The following OPCML variants were observed in gnomAD, a reference collection of about 807,000 sequenced individuals.
The protein encoded by OPCML is opioid binding protein/cell adhesion molecule like.
Under a neutral mutation model 37.8 loss-of-function variants are expected in OPCML, and 13 were observed. The observed-to-expected ratio is 0.34, with a 90% CI of 0.22 to 0.55. OPCML has a LOEUF of 0.55. Among genes scored for constraint, OPCML ranks in the 20% least tolerant of loss-of-function variants. OPCML has a pLI of 0.91. For synonymous variants in OPCML, 176 were observed against 168.8 expected, an observed-to-expected ratio of 1.04 and a Z score of -0.33; for missense variants, 341 against 435.6, an observed-to-expected ratio of 0.78 and a Z score of 1.93.
At chr11:133,310,607 C>T (rs990165978) in intron 1 of OPCML, among the ~76,000 whole-genome samples, 5 of 152,052 alleles carry the variant, frequency 3.3e-5, no homozygotes, top group Admixed American at 6.6e-5. Context: ...CCCAGCAGGC[C>T]GTTTCCAGAA....
At chr11:132,498,892 G>A (rs1294349595) in intron 4 of OPCML, among the ~76,000 whole-genome samples, 1 of 151,326 alleles carries the variant, frequency 6.6e-6, no homozygotes, top group African/African-American at 2.5e-5. Context: ...AAATGTGGTT[G>A]CTCCAAATCT....
At chr11:132,459,771 C>A (rs1376862455) in intron 4 of OPCML, among the ~76,000 whole-genome samples, 1 of 151,914 alleles carries the variant, frequency 6.6e-6, no homozygotes, top group Non-Finnish European at 1.5e-5. Flanking sequence ...TTAATATTGC[C>A]ACCAATCTCA....
At chr11:133,088,852 A>G (rs1414452220) in intron 1 of OPCML, among the ~76,000 whole-genome samples, 1 of 152,236 alleles carries the variant, frequency 6.6e-6, no homozygotes, top group Non-Finnish European at 1.5e-5. Context: ...ATAAGTAATC[A>G]TGTCCCCATA....
intron 1 of OPCML, among the ~76,000 whole-genome samples, chr11:133,228,277 G>A (rs1940127411): frequency 1.3e-5 from 2 of 152,142 alleles, no homozygotes; most frequent in South Asian, 4.1e-4. Flanking sequence ...ATGAGGAGGT[G>A]AGCATAGCAG....
intron 1 of OPCML, among the ~76,000 whole-genome samples, chr11:132,960,522 A>G (rs1226857236): frequency 6.6e-6 from 1 of 152,190 alleles, no homozygotes; most frequent in African/African-American, 2.4e-5. Context: ...AGGCTGCTTC[A>G]GTGGAGAGTA....
In OPCML at chr11:132,714,840, A is replaced by G. The variant is rs568287741; in HGVS notation, c.147-57521T>C. On this transcript the variant is annotated intron_variant, in intron 2 of 7. Transcript: ENST00000524381. ...TTCTGTACTTTTCAGACACAGTTATATTTTATTCCAGCTAGGATGATGTGG... is the reference window on the plus strand; with the variant it reads ...TTCTGTACTTTTCAGACACAGTTATGTTTTATTCCAGCTAGGATGATGTGG... Among the ~76,000 whole-genome samples, 61 of 152,242 alleles carry G rather than the reference A, an allele frequency of 4.0e-4. 1 individual carries two copies. In the South Asian group the frequency reaches 0.011, roughly 29 times the overall value.
chr11:132,914,342 G>C (rs182206452), intron 2 of OPCML, among the ~76,000 whole-genome samples: 10 of 152,290 alleles, frequency 6.6e-5, no homozygotes, highest in African/African-American at 2.2e-4. Context: ...ATATGCAACT[G>C]AGTTTGCACA....
intron 1 of OPCML, among the ~76,000 whole-genome samples, chr11:133,166,464 C>T (rs981137963): frequency 6.6e-6 from 1 of 152,222 alleles, no homozygotes; most frequent in Non-Finnish European, 1.5e-5. Flanking sequence ...ATGTGCAACT[C>T]CAGTGTCTGT....
At chr11:132,819,729 G>C (rs1939860218) in intron 2 of OPCML, among the ~76,000 whole-genome samples, 1 of 152,158 alleles carries the variant, frequency 6.6e-6, no homozygotes, top group Admixed American at 6.6e-5. Flanking sequence ...AGGGAGTTTT[G>C]CTTTTCTTCT....
chr11:133,434,223 G>A lies in OPCML; in HGVS notation c.61+98041C>T, dbSNP rs955153591. Among the ~76,000 whole-genome samples, 8 of 151,920 alleles carry A rather than the reference G, an allele frequency of 5.3e-5. No homozygotes were observed. The East Asian group carries it at 7.8e-4, about 15-fold the overall frequency. The stretch of plus-strand genomic sequence containing the variant: ...TCCCTGCCTCCTCACTCACGTCTTC[G>A]CTTATTCTGTTTCCTCTACTCAAAA... On this transcript the variant is annotated intron_variant, in intron 1 of 7. Transcript: ENST00000524381.
rs71038531 is a variant in OPCML at position 133,484,030 on chromosome 11, T to TTAGA, written c.61+48230_61+48233dup. ...ATAGATAGACAAATAGATGGACAGA[T>TTAGA]TAGATAGATAGATAGATAGATAGAT... On this transcript the variant is annotated intron_variant, in intron 1 of 7. Coordinates refer to ENST00000524381, the MANE Select transcript of OPCML (RefSeq NM_001012393.5). Among the ~76,000 whole-genome samples the TTAGA allele has an allele frequency of 7.9e-3, 1,061 of 134,880 alleles. 7 individuals carry two copies. Among genetic ancestry groups the TTAGA allele is most frequent in the South Asian group, 0.014 (57 of 3,976 alleles). 88.5% of individuals were successfully genotyped at this position (134,880 alleles called of 152,430 possible).
At chr11:133,253,211 T>G (rs561896485) in intron 1 of OPCML, among the ~76,000 whole-genome samples, 28 of 151,538 alleles carry the variant, frequency 1.8e-4, no homozygotes, top group Non-Finnish European at 3.8e-4. Context: ...GGCCTTGGAA[T>G]CAGAGCTGTG....
At chr11:132,678,525 G>A (rs1327504336) in intron 2 of OPCML, among the ~76,000 whole-genome samples, 2 of 152,140 alleles carry the variant, frequency 1.3e-5, no homozygotes, top group Non-Finnish European at 2.9e-5. Flanking sequence ...TGGATAAACT[G>A]CGTTACATCC....
At chr11:133,263,927 C>T (rs749486288) in intron 1 of OPCML, among the ~76,000 whole-genome samples, 1 of 152,166 alleles carries the variant, frequency 6.6e-6, no homozygotes, top group Non-Finnish European at 1.5e-5. Context: ...GACCCAGGGA[C>T]AATTCCCATT....
intron 3 of OPCML, among the ~76,000 whole-genome samples, chr11:132,531,768 T>TTC (rs2096325905): frequency 6.6e-6 from 1 of 151,740 alleles, no homozygotes; most frequent in African/African-American, 2.4e-5. Flanking sequence ...TTTTTTTTTT[T>TTC]CCTATATTTT....
chr11:133,323,973 C>A (rs1943394726), intron 1 of OPCML, among the ~76,000 whole-genome samples: 1 of 152,206 alleles, frequency 6.6e-6, no homozygotes, highest in African/African-American at 2.4e-5. Flanking sequence ...TTTGTTCTCT[C>A]AAGTTCTCCA....
intron 2 of OPCML, among the ~76,000 whole-genome samples, chr11:132,776,424 C>T (rs983312347): frequency 9.9e-5 from 15 of 152,064 alleles, no homozygotes; most frequent in Non-Finnish European, 5.9e-5. Context: ...AATGTGATTC[C>T]CAGTGTTGGA....
chr11:132,444,268 C>T (rs1190577104), intron 4 of OPCML, among the ~76,000 whole-genome samples: 1 of 152,202 alleles, frequency 6.6e-6, no homozygotes, highest in Non-Finnish European at 1.5e-5. Context: ...AAAGAGTGGA[C>T]AGGGTGGAGG....
At chr11:132,527,545 A>AT (rs924962923) in intron 4 of OPCML, among the ~76,000 whole-genome samples, 51 of 143,382 alleles carry the variant, frequency 3.6e-4, no homozygotes, top group African/African-American at 9.5e-4. Context: ...GGAATTGCCC[A>AT]TTTTTTTTTT....
Sources: gnomAD v4.1 joint callset for allele counts (sites outside exome capture counted in the v4.1 genomes callset) on GRCh38, gnomAD v4.1.1 for gene constraint, MANE v1.5 for transcripts, NCBI Gene and HGNC (gene_info 2026-07-23, HGNC 2026-07-21) for gene names.